Variants in APOC1 observed in about 807,000 individuals in gnomAD.
APOC1 encodes the protein apolipoprotein C1, also known as apolipoprotein C-I.
In APOC1, 4 loss-of-function variants were observed where a neutral mutation model predicts 6.7. The ratio of observed to expected loss-of-function variants is 0.60; its 90% CI spans 0.29 to 1.37. The LOEUF (loss-of-function observed/expected upper bound fraction) is 1.37, where lower values mean the gene tolerates loss of function less well. Among genes scored for constraint, APOC1 ranks in the 40% most tolerant of loss-of-function variants. APOC1 has a pLI of 0.09. For synonymous variants in APOC1, 33 were observed against 40.6 expected, an observed-to-expected ratio of 0.81 and a Z score of 0.72; for missense variants, 122 against 99.4, an observed-to-expected ratio of 1.23 and a Z score of -0.97.
intron 3 of APOC1, among the ~76,000 whole-genome samples, chr19:44,918,569 A>C (rs1970048471): frequency 6.6e-6 from 1 of 151,626 alleles, no homozygotes; most frequent in South Asian, 2.1e-4. Context: ...ACTTAGTAGA[A>C]TTTTTTGTAT....
chr19:44,916,303 A>T lies in APOC1; in HGVS notation c.172A>T (p.Ser58Cys). ...GGAACTCATCAGCCGCATCAAACAGAGTGAACTTTCTGCCAAGATGCGGTT... is the reference window on the plus strand; with the variant it reads ...GGAACTCATCAGCCGCATCAAACAGTGTGAACTTTCTGCCAAGATGCGGTT... ...ARELISRIKQ[S>C]ELSAKMREWF... The change falls in exon 3 of 4, where the codon AGT (serine) becomes TGT (cysteine). Residue 58 changes from serine to cysteine, a missense_variant. Coordinates refer to ENST00000592535, the MANE Select transcript of APOC1 (RefSeq NM_001645.5). The T allele has an allele frequency of 5.0e-6, 8 of 1,613,920 alleles. No individual in the cohort carries two copies. The highest frequency in any genetic ancestry group is 6.8e-6 in the Non-Finnish European group (8 of 1,179,996).
chr19:44,915,315 CTTTT>C (rs898326230), intron 2 of APOC1: 40 of 132,376 alleles, frequency 3.0e-4, no homozygotes, highest in South Asian at 8.6e-4. Flanking sequence ...CCTCCCCATT[CTTTT>C]TTTTTTTTTT....
At chr19:44,915,118 G>T (rs1969980785) in intron 2 of APOC1, 169 bp downstream of exon 2, 1 of 677,032 alleles carries the variant, frequency 1.5e-6, no homozygotes, top group East Asian at 2.7e-5. Context: ...GCTCAGTCCC[G>T]CAGGCGCCAA....
At chr19:44,916,351 A>G in intron 3 of APOC1, 26 bp downstream of exon 3, 1 of 1,611,656 alleles carries the variant, frequency 6.2e-7, no homozygotes. Flanking sequence ...AGGGCACGGG[A>G]GAGCTGGGGT....
intron 2 of APOC1, 38 bp from the exon 3 acceptor site, chr19:44,916,152 A>AAAAAAAAT: frequency 1.3e-6 from 2 of 1,524,714 alleles, no homozygotes. Context: ...AAAAAAAAAA[A>AAAAAAAAT]AAAACAAATT....
chr19:44,915,805 A>G (rs1038073855), intron 2 of APOC1, among the ~76,000 whole-genome samples: 1 of 151,906 alleles, frequency 6.6e-6, no homozygotes, highest in African/African-American at 2.4e-5. Flanking sequence ...CGTCTCTACT[A>G]AAAATACAAA....
chr19:44,916,370 G>C (rs1455660040), intron 3 of APOC1, 45 bp downstream of exon 3: 1 of 1,608,618 alleles, frequency 6.2e-7, no homozygotes, highest in South Asian at 1.1e-5. Context: ...GTGTGTTTTT[G>C]GGTGGAGCCC....
intron 3 of APOC1, chr19:44,918,885 C>G: frequency 2.5e-6 from 1 of 404,446 alleles, no homozygotes. Flanking sequence ...TCTCGAACTC[C>G]TGACCTCAAG....
Position 44,916,233 on chromosome 19 carries a change from G to C in APOC1, c.102G>C (p.Leu34Phe). ...GGACCCCAGACGTCTCCAGTGCCTT[G>C]GATAAGCTGAAGGAGTTTGGAAACA... ...AQGTPDVSSA[L>F]DKLKEFGNTL... Residue 34 changes from leucine (L) to phenylalanine (F), a missense_variant, in exon 3 of 4, where the codon TTG (leucine) becomes TTC (phenylalanine). By Grantham distance (22) the Leu-to-Phe change is conservative. Coordinates refer to ENST00000592535, the MANE Select transcript of APOC1 (RefSeq NM_001645.5). 6.2e-7 allele frequency: 1 copy of C among 1,612,076 alleles called. No individual in the cohort carries two copies. Among genetic ancestry groups the C allele is most frequent in the Non-Finnish European group, 8.5e-7 (1 of 1,179,336 alleles).
At chr19:44,914,485 G>C, upstream of APOC1, 1 of 199,386 alleles carries the variant, frequency 5.0e-6, no homozygotes, top group Non-Finnish European at 1.0e-5. Flanking sequence ...CAGGAAGATT[G>C]AGAGGTGAGA....
chr19:44,915,102 T>TC (rs1568621512), intron 2 of APOC1, 153 bp downstream of exon 2: 1 of 767,144 alleles, frequency 1.3e-6, no homozygotes, highest in African/African-American at 1.7e-5. Flanking sequence ...CTCCAGGTTC[T>TC]CCCAGGCTCA....
intron 2 of APOC1, among the ~76,000 whole-genome samples, chr19:44,915,725 G>T (rs1240489543): frequency 6.6e-6 from 1 of 151,842 alleles, no homozygotes; most frequent in African/African-American, 2.4e-5. Flanking sequence ...CCAGCACTTT[G>T]GGAGGCCGAG....
intron 2 of APOC1, 45 bp from the exon 3 acceptor site, chr19:44,916,145 A>AAAAAAAAAAAAAAC: frequency 6.7e-7 from 1 of 1,498,978 alleles, no homozygotes; most frequent in East Asian, 2.4e-5. Flanking sequence ...TCCAAAAAAA[A>AAAAAAAAAAAAAAC]AAAAAAAAAA....
chr19:44,917,913 G>A (rs1350861031), intron 3 of APOC1, among the ~76,000 whole-genome samples: 1 of 151,946 alleles, frequency 6.6e-6, no homozygotes. Context: ...GGCGGAGGTT[G>A]CAGTGAGCCG....
intron 2 of APOC1, chr19:44,915,270 C>T (rs1472837524): frequency 2.8e-6 from 1 of 356,766 alleles, no homozygotes; most frequent in African/African-American, 2.1e-5. Context: ...AGGCAATTCC[C>T]AGCAGCTTGA....
At chr19:44,918,647 G>A (rs1970050293) in intron 3 of APOC1, among the ~76,000 whole-genome samples, 1 of 152,010 alleles carries the variant, frequency 6.6e-6, no homozygotes, top group Non-Finnish European at 1.5e-5. Context: ...AAAGTGCTGG[G>A]ATTACAGGCG....
chr19:44,915,625 C>A (rs1026496417), intron 2 of APOC1, among the ~76,000 whole-genome samples: 12 of 151,456 alleles, frequency 7.9e-5, no homozygotes, highest in African/African-American at 2.7e-4. Flanking sequence ...CCACATGATC[C>A]CCAAGGATCT....
intron 3 of APOC1, chr19:44,918,941 G>C: frequency 3.6e-6 from 2 of 561,362 alleles, no homozygotes; most frequent in Non-Finnish European, 6.3e-6. Context: ...TTACAGGCGT[G>C]AGCCAAATGC....
chr19:44,919,030 A>C (rs1970056448), intron 3 of APOC1, 143 bp from the exon 4 acceptor site: 2 of 760,130 alleles, frequency 2.6e-6, no homozygotes, highest in East Asian at 5.0e-5. Context: ...TGGCCCACCC[A>C]GCCCAGCGGT....
Sources: allele counts gnomAD v4.1 joint callset (sites outside exome capture counted in the v4.1 genomes callset), GRCh38; gene constraint gnomAD v4.1.1; transcripts MANE v1.5; gene names NCBI Gene and HGNC (gene_info 2026-07-23, HGNC 2026-07-21).